The following ROBO2 variants were observed in gnomAD, a reference collection of about 807,000 sequenced individuals.
ROBO2 encodes roundabout homolog 2.
A neutral mutation model predicts 160.8 loss-of-function variants in ROBO2; 53 were observed. The ratio of observed to expected loss-of-function variants is 0.33; its 90% CI spans 0.26 to 0.41. ROBO2 has a LOEUF of 0.41. Among genes scored for constraint, ROBO2 ranks in the 10% least tolerant of loss-of-function variants. ROBO2 has a pLI of 1.00. For synonymous variants in ROBO2, 664 were observed against 611.7 expected (o/e 1.09, Z -1.26); for missense variants, 1,577 against 1,722.4 (o/e 0.92, Z 1.49).
At chr3:76,335,078 C>G (rs984962174) in intron 2 of ROBO2, among the ~76,000 whole-genome samples, 2 of 151,314 alleles carry the variant, frequency 1.3e-5, no homozygotes, top group Non-Finnish European at 2.9e-5. Flanking sequence ...AAATGTTGCC[C>G]AAGCTAGTCT....
intron 2 of ROBO2, among the ~76,000 whole-genome samples, chr3:76,242,682 C>T (rs538244372): frequency 3.9e-4 from 59 of 152,174 alleles, no homozygotes; most frequent in African/African-American, 1.4e-3. Flanking sequence ...GCCCTGGAAT[C>T]GGAGATCAAC....
chr3:77,040,866 A>T lies in ROBO2; in HGVS notation c.61+20A>T, dbSNP rs1246803553. ...TTGATGGTAAGTTAAAAATGCTTTC[A>T]TCTTTTTTTGCGCCCCCCACCCCCC... On this transcript the variant is annotated intron_variant, in intron 1 of 25. Transcript: ENST00000461745. 6.2e-7 allele frequency: 1 copy of T among 1,613,856 alleles called. No homozygotes were observed. The highest frequency in any genetic ancestry group is 1.1e-5 in the South Asian group (1 of 91,070).
chr3:77,318,101 A>G (rs2064254244), intron 2 of ROBO2, among the ~76,000 whole-genome samples: 1 of 151,820 alleles, frequency 6.6e-6, no homozygotes, highest in South Asian at 2.1e-4. Flanking sequence ...AGGCTGGAGT[A>G]TAGTGGCATA....
At chr3:76,267,649 A>G (rs1339875195) in intron 2 of ROBO2, among the ~76,000 whole-genome samples, 1 of 152,154 alleles carries the variant, frequency 6.6e-6, no homozygotes, top group African/African-American at 2.4e-5. Context: ...AGCTTTGTAA[A>G]TTAACTTTTA....
At chr3:76,559,225 T>C (rs539274361) in intron 2 of ROBO2, among the ~76,000 whole-genome samples, 150 of 152,256 alleles carry the variant, frequency 9.9e-4, no homozygotes, top group African/African-American at 3.4e-3. Context: ...AATGGTCACG[T>C]TGTGATAGGG....
At chr3:77,617,980 G>A in intron 22 of ROBO2, 2 of 592,126 alleles carry the variant, frequency 3.4e-6, no homozygotes, top group South Asian at 4.1e-5. Context: ...ACTAGAACTG[G>A]AACTGGAGCT....
intron 2 of ROBO2, among the ~76,000 whole-genome samples, chr3:76,059,808 T>C (rs1044896973): frequency 3.9e-5 from 6 of 152,208 alleles, no homozygotes; most frequent in Non-Finnish European, 5.9e-5. Context: ...TCTTTATCCA[T>C]CTTGAATTAA....
chr3:76,234,717 T>C (rs1704834323), intron 2 of ROBO2, among the ~76,000 whole-genome samples: 2 of 152,224 alleles, frequency 1.3e-5, no homozygotes, highest in African/African-American at 2.4e-5. Flanking sequence ...ATTTCAAATT[T>C]ATGTATATTT....
At chr3:76,981,031 G>A (rs1000849171) in intron 2 of ROBO2, among the ~76,000 whole-genome samples, 19 of 151,900 alleles carry the variant, frequency 1.3e-4, no homozygotes, top group African/African-American at 4.1e-4. Flanking sequence ...ATTCGTTTTC[G>A]TCGCCTAATA....
rs564722521 is a variant in ROBO2, at chr3:76,139,681, A to G, written c.109+202079A>G. ...AGCTCCTGTGAAGTAAAAAGCAGTT[A>G]TAAAACCTTTAGAATACATCTTGAA... On this transcript the variant is annotated intron_variant, in intron 2 of 26. Coordinates refer to the ROBO2 transcript ENST00000487694. 2.0e-4 allele frequency among the ~76,000 whole-genome samples: 31 copies of G among 152,194 alleles called. No homozygotes were observed. In the South Asian group the frequency reaches 6.2e-3, roughly 30 times the overall value.
At chr3:77,180,952 C>G (rs1361628849) in intron 2 of ROBO2, among the ~76,000 whole-genome samples, 1 of 151,964 alleles carries the variant, frequency 6.6e-6, no homozygotes, top group African/African-American at 2.4e-5. Flanking sequence ...ACTTCTGGAC[C>G]AGATCCAACC....
At chr3:76,554,091 C>T (rs149229124) in intron 2 of ROBO2, among the ~76,000 whole-genome samples, 2,322 of 152,180 alleles carry the variant, frequency 0.015, 40 homozygotes, top group South Asian at 0.064. Flanking sequence ...TGAAATTACC[C>T]TAGATATCCA....
intron 2 of ROBO2, among the ~76,000 whole-genome samples, chr3:77,193,946 A>G (rs1045004951): frequency 6.9e-6 from 1 of 144,456 alleles, no homozygotes; most frequent in East Asian, 2.0e-4. Context: ...TTTAATGTGA[A>G]AATCAGGAAC....
In ROBO2 at chr3:76,583,009, T is replaced by TA. The variant is rs200415109; in HGVS notation, c.110-514990dup. Among the ~76,000 whole-genome samples, 539 of 133,326 alleles carry TA rather than the reference T, an allele frequency of 4.0e-3. 1 individual carries two copies. Among genetic ancestry groups the TA allele is most frequent in the Middle Eastern group, 0.02 (5 of 256 alleles). 87.5% of individuals were successfully genotyped at this position (133,326 alleles called of 152,430 possible). Reference sequence around the variant, plus strand: ...ATAAAATGTTTCCTTGGTGTGTGTTTAAAAAAAAAAAAAAAGCAAGAGAGA... The same window carrying TA: ...ATAAAATGTTTCCTTGGTGTGTGTTTAAAAAAAAAAAAAAAAGCAAGAGAGA... On this transcript the variant is annotated intron_variant, in intron 2 of 26. Coordinates refer to the ROBO2 transcript ENST00000487694.
At chr3:77,142,951 C>T (rs1560099799) in intron 2 of ROBO2, among the ~76,000 whole-genome samples, 1 of 152,142 alleles carries the variant, frequency 6.6e-6, no homozygotes, top group Non-Finnish European at 1.5e-5. Flanking sequence ...TGGCACTCAG[C>T]AGTCACTCTG....
intron 2 of ROBO2, among the ~76,000 whole-genome samples, chr3:76,232,687 C>G (rs1704691851): frequency 6.6e-6 from 1 of 152,150 alleles, no homozygotes; most frequent in Admixed American, 6.5e-5. Flanking sequence ...AACTGTATAT[C>G]AATGCTATTT....
At chr3:76,570,431 A>G (rs1048552104) in intron 2 of ROBO2, among the ~76,000 whole-genome samples, 4 of 152,236 alleles carry the variant, frequency 2.6e-5, no homozygotes, top group Non-Finnish European at 5.9e-5. Flanking sequence ...GTAAAAAATA[A>G]CTCGTACATC....
At chr3:77,633,869 G>A (rs2095216503) in intron 23 of ROBO2, 1 of 152,220 alleles carries the variant, frequency 6.6e-6, no homozygotes, top group African/African-American at 2.4e-5. Context: ...AGAGCAGTGA[G>A]AACGTGCAAG....
intron 2 of ROBO2, among the ~76,000 whole-genome samples, chr3:77,336,413 A>C (rs1021178853): frequency 6.8e-6 from 1 of 147,418 alleles, no homozygotes; most frequent in Non-Finnish European, 1.5e-5. Flanking sequence ...TCCCTTTGGA[A>C]CTTCCTTATT....
Sources: allele counts gnomAD v4.1 joint callset (sites outside exome capture counted in the v4.1 genomes callset), GRCh38; gene constraint gnomAD v4.1.1; transcripts MANE v1.5; gene names NCBI Gene and HGNC (gene_info 2026-07-23, HGNC 2026-07-21).